HCN1: variants seen among roughly 807,000 people sequenced by gnomAD.
HCN1 encodes the protein potassium/sodium hyperpolarization-activated cyclic nucleotide-gated channel 1.
In HCN1, 13 loss-of-function variants were observed where a neutral mutation model predicts 78.9. That is an observed-to-expected ratio of 0.16 (90% CI 0.11 to 0.26). The LOEUF is 0.26. Among genes scored for constraint, HCN1 ranks in the 10% least tolerant of loss-of-function variants. The probability of loss-of-function intolerance (pLI) is 1.00; values close to 1 mark genes in which losing one functional copy is unlikely to be tolerated. For missense variants in HCN1, 810 were observed against 1,154.3 expected (o/e 0.70, Z 4.32); for synonymous variants, 552 against 455.5 (o/e 1.21, Z -2.70).
intron 3 of HCN1, among the ~76,000 whole-genome samples, chr5:45,456,382 T>A (rs1191907511): frequency 2.0e-5 from 3 of 152,016 alleles, no homozygotes; most frequent in Non-Finnish European, 2.9e-5. Flanking sequence ...TTATAAACAA[T>A]ATTTTAGTTA....
rs982911435 is a variant in HCN1, at chr5:45,274,134, T to C, written c.1619-6881A>G. On this transcript the variant is annotated intron_variant, in intron 6 of 7. Coordinates refer to ENST00000303230, the MANE Select transcript of HCN1 (RefSeq NM_021072.4). ...ATATAAAGAAGGTATTATTCATGTA[T>C]AGATTACATATTATAATATTCTAAT... Among the ~76,000 whole-genome samples, 9 of 152,132 alleles carry C rather than the reference T, an allele frequency of 5.9e-5. 1 individual carries two copies. Among genetic ancestry groups the C allele is most frequent in the Admixed American group, 5.2e-4 (8 of 15,246 alleles).
intron 1 of HCN1, among the ~76,000 whole-genome samples, chr5:45,647,120 T>C (rs2112034862): frequency 6.6e-6 from 1 of 152,196 alleles, no homozygotes; most frequent in East Asian, 1.9e-4. Context: ...CAGGATGTTG[T>C]AAAGGATAAG....
At chr5:45,376,279 A>ATATAGAATATATATTC (rs1747669074) in intron 4 of HCN1, among the ~76,000 whole-genome samples, 3 of 135,902 alleles carry the variant, frequency 2.2e-5, no homozygotes, top group South Asian at 2.1e-4. Flanking sequence ...TCTATATAGA[A>ATATAGAATATATATTC]TATATAGATA....
intron 1 of HCN1, among the ~76,000 whole-genome samples, chr5:45,667,228 G>T (rs1359278026): frequency 6.6e-6 from 1 of 151,846 alleles, no homozygotes; most frequent in Admixed American, 6.6e-5. Context: ...TCACCTAGTG[G>T]TTTCTCATGG....
At chr5:45,383,475 C>T (rs892688550) in intron 4 of HCN1, among the ~76,000 whole-genome samples, 1 of 152,156 alleles carries the variant, frequency 6.6e-6, no homozygotes, top group African/African-American at 2.4e-5. Flanking sequence ...GCGGACGAAT[C>T]ACCTGAGGTC....
At chr5:45,263,199 C>T (rs574480881) in intron 7 of HCN1, among the ~76,000 whole-genome samples, 23 of 152,260 alleles carry the variant, frequency 1.5e-4, no homozygotes, top group African/African-American at 5.1e-4. Flanking sequence ...TAAGCGAGAA[C>T]ATTTGAACAC....
intron 5 of HCN1, among the ~76,000 whole-genome samples, chr5:45,313,394 GA>G (rs1268146304): frequency 6.6e-6 from 1 of 152,110 alleles, no homozygotes; most frequent in Non-Finnish European, 1.5e-5. Flanking sequence ...ACCAAAGGTA[GA>G]TAAAACCACA....
chr5:45,396,581 C>A lies in HCN1; in HGVS notation c.1141G>T (p.Val381Phe). Residue 381 changes from valine (V) to phenylalanine (F), a missense_variant, in exon 4 of 8, where the codon GTC becomes TTC. Coordinates refer to ENST00000303230, the MANE Select transcript of HCN1 (RefSeq NM_021072.4). ...AACATGGCATAGCAGGTGGCCCCGA[C>A]GATCATGCTCAGCATGGTAATCCAG... ...DLWITMLSMI[V>F]GATCYAMFVG... The A allele has an allele frequency of 6.2e-7, 1 of 1,613,868 alleles. No individual in the cohort carries two copies. The highest frequency in any genetic ancestry group is 8.5e-7 in the Non-Finnish European group (1 of 1,179,886).
At chr5:45,446,874 G>GCTC (rs1740810084) in intron 3 of HCN1, among the ~76,000 whole-genome samples, 1 of 151,878 alleles carries the variant, frequency 6.6e-6, no homozygotes, top group Non-Finnish European at 1.5e-5. Flanking sequence ...CCCTAAAAGA[G>GCTC]CTCCTGAAGG....
chr5:45,391,075 AGCCT>A (rs1312824453), intron 4 of HCN1, among the ~76,000 whole-genome samples: 8,170 of 152,172 alleles, frequency 0.054, 763 homozygotes, highest in African/African-American at 0.19. Context: ...TACATGCTGT[AGCCT>A]AATAAAAAAT....
chr5:45,621,179 A>T (rs1368847523), intron 2 of HCN1, among the ~76,000 whole-genome samples: 1 of 152,194 alleles, frequency 6.6e-6, no homozygotes, highest in Non-Finnish European at 1.5e-5. Context: ...TACTTCTTCA[A>T]TCTAAAAGGG....
chr5:45,687,963 C>T (rs1474785662), intron 1 of HCN1, among the ~76,000 whole-genome samples: 1 of 152,124 alleles, frequency 6.6e-6, no homozygotes, highest in Non-Finnish European at 1.5e-5. Flanking sequence ...TAAGGAAACC[C>T]TTATTTAATT....
chr5:45,501,560 G>A (rs1296774366), intron 2 of HCN1, among the ~76,000 whole-genome samples: 1 of 151,898 alleles, frequency 6.6e-6, no homozygotes, highest in African/African-American at 2.4e-5. Context: ...TCAGCCCCCT[G>A]AGTCTGAGTA....
intron 4 of HCN1, among the ~76,000 whole-genome samples, chr5:45,371,019 A>T (rs553920907): frequency 6.6e-6 from 1 of 152,222 alleles, no homozygotes; most frequent in East Asian, 1.9e-4. Context: ...GAGAAGGAAG[A>T]AAACATTACA....
At chr5:45,341,769 T>C (rs1270517677) in intron 5 of HCN1, among the ~76,000 whole-genome samples, 1 of 152,070 alleles carries the variant, frequency 6.6e-6, no homozygotes, top group African/African-American at 2.4e-5. Context: ...AAAAATAACA[T>C]CTGCTTATTA....
At position 45,257,548 on chromosome 5, in the gene HCN1, T is replaced by C. The variant is rs985641019; in HGVS notation, c.*4373A>G. 12 of 152,144 alleles carry C rather than the reference T, an allele frequency of 7.9e-5. No individual in the cohort carries two copies. Among genetic ancestry groups the C allele is most frequent in the Non-Finnish European group, 1.2e-4 (8 of 68,030 alleles). The allele number at this position is 152,144 out of a possible 1,614,324, so 9.4% of individuals were successfully genotyped here. On this transcript the variant is annotated 3_prime_UTR_variant, in exon 8 of 8. Coordinates refer to ENST00000303230, the MANE Select transcript of HCN1 (RefSeq NM_021072.4). ...GCGGGGAGTGTCAGCAAGGCTTCTC[T>C]CATTAAAAAACCTTAAAATCTCCAT...
intron 2 of HCN1, among the ~76,000 whole-genome samples, chr5:45,493,123 C>T (rs1308458156): frequency 1.3e-5 from 2 of 152,018 alleles, no homozygotes; most frequent in African/African-American, 2.4e-5. Context: ...TATACTGAGA[C>T]TAAATATGAG....
At chr5:45,378,134 A>T (rs972910654) in intron 4 of HCN1, among the ~76,000 whole-genome samples, 2 of 151,932 alleles carry the variant, frequency 1.3e-5, no homozygotes, top group African/African-American at 4.8e-5. Context: ...AGATGAGGAA[A>T]AGAAACCCAG....
intron 6 of HCN1, among the ~76,000 whole-genome samples, chr5:45,299,076 CAAG>C (rs1439826776): frequency 1.1e-4 from 17 of 152,024 alleles, no homozygotes; most frequent in South Asian, 1.0e-3. Flanking sequence ...TCAAATTAAT[CAAG>C]AAGAAGGAAA....
Sources: allele counts gnomAD v4.1 joint callset (sites outside exome capture counted in the v4.1 genomes callset), GRCh38; gene constraint gnomAD v4.1.1; transcripts MANE v1.5; gene names NCBI Gene and HGNC (gene_info 2026-07-23, HGNC 2026-07-21).